DHX36: variants seen among roughly 807,000 people sequenced by gnomAD.
The protein encoded by DHX36 is ATP-dependent DNA/RNA helicase DHX36.
In DHX36, 50 loss-of-function variants were observed where a neutral mutation model predicts 139.0. That is an observed-to-expected ratio of 0.36 (90% CI 0.29 to 0.46). DHX36 has a LOEUF of 0.46. DHX36 is among the 20% of genes least tolerant of loss of function. The pLI, the probability that DHX36 is intolerant of heterozygous loss-of-function variation, is 1.00. For synonymous variants in DHX36, 425 were observed against 401.9 expected, an observed-to-expected ratio of 1.06 and a Z score of -0.69; for missense variants, 1,024 against 1,211.3, an observed-to-expected ratio of 0.85 and a Z score of 2.29.
chr3:154,324,468 C>T lies in DHX36; in HGVS notation c.-52G>A, dbSNP rs1216240032. 5 of 1,439,684 alleles carry T rather than the reference C, an allele frequency of 3.5e-6. No individual in the cohort carries two copies. The highest frequency in any genetic ancestry group is 4.5e-6 in the Non-Finnish European group (5 of 1,100,386). The allele number at this position is 1,439,684 out of a possible 1,614,324, so 89.2% of individuals were successfully genotyped here. ...AACCAGCAACCGCTGGAAATGGCGT[C>T]CGGGCCCGGAAGCCACTGTGCGCCC... On this transcript the variant is annotated 5_prime_UTR_variant, in exon 1 of 25. Coordinates refer to ENST00000496811, the MANE Select transcript of DHX36 (RefSeq NM_020865.3).
At chr3:154,295,244 A>G (rs1711994216) in intron 13 of DHX36, 40 bp downstream of exon 13, 3 of 1,283,308 alleles carry the variant, frequency 2.3e-6, no homozygotes, top group African/African-American at 1.5e-5. Flanking sequence ...AGCTTGCCTC[A>G]GTTTGAAATA....
At chr3:154,316,265 C>A (rs1377720961) in intron 1 of DHX36, 102 bp from the exon 2 acceptor site, 2 of 1,427,596 alleles carry the variant, frequency 1.4e-6, no homozygotes, top group Admixed American at 2.1e-5. Context: ...ATATGTTCAA[C>A]AAATACATAT....
At chr3:154,311,543 CATTA>C in intron 4 of DHX36, 89 bp downstream of exon 4, 1 of 1,013,378 alleles carries the variant, frequency 9.9e-7, no homozygotes, top group Non-Finnish European at 1.4e-6. Context: ...AAAGAAAGTT[CATTA>C]ATTTACATTT....
intron 5 of DHX36, among the ~76,000 whole-genome samples, chr3:154,309,219 A>G (rs1016239143): frequency 6.6e-6 from 1 of 151,920 alleles, no homozygotes; most frequent in African/African-American, 2.4e-5. Flanking sequence ...CTGACTACAG[A>G]AATGCAGCTT....
At chr3:154,287,706 A>C (rs1010092803) in intron 17 of DHX36, among the ~76,000 whole-genome samples, 3 of 152,202 alleles carry the variant, frequency 2.0e-5, no homozygotes, top group Admixed American at 1.3e-4. Flanking sequence ...TCAAGGTATT[A>C]AAAAAAGGAA....
At chr3:154,322,613 G>C (rs1031873918) in intron 1 of DHX36, among the ~76,000 whole-genome samples, 3 of 152,214 alleles carry the variant, frequency 2.0e-5, no homozygotes, top group African/African-American at 7.2e-5. Flanking sequence ...AGGAGGATGG[G>C]AACGCAAGTA....
Position 154,284,900 on chromosome 3 carries a change from G to C in DHX36, c.2119C>G (p.Leu707Val). 1 of 1,614,072 alleles carries C rather than the reference G, an allele frequency of 6.2e-7. No individual in the cohort carries two copies. Among genetic ancestry groups the C allele is most frequent in the Non-Finnish European group, 8.5e-7 (1 of 1,179,986 alleles). Residue 707 changes from leucine to valine, a missense_variant, in exon 18 of 25, where the codon CTT becomes GTT. Physicochemically the swap from Leu to Val is conservative, Grantham distance 32. Transcript: ENST00000496811. Reference sequence around the variant, plus strand: ...AAGCAGCAGAACAGTGCTCCAAAAAGAATCATTTTTCCAATATGTGGCTCA... The same window carrying C: ...AAGCAGCAGAACAGTGCTCCAAAAACAATCATTTTTCCAATATGTGGCTCA... ...PVEPHIGKMI[L>V]FGALFCCLDP...
intron 5 of DHX36, among the ~76,000 whole-genome samples, chr3:154,307,343 G>A (rs1272531585): frequency 6.6e-6 from 1 of 152,032 alleles, no homozygotes. Flanking sequence ...TTTCCAGAAC[G>A]GAAGAAAATA....
chr3:154,309,849 T>A (rs374625991), intron 4 of DHX36, 26 bp from the exon 5 acceptor site: 1 of 1,509,410 alleles, frequency 6.6e-7, no homozygotes, highest in Admixed American at 2.0e-5. Flanking sequence ...AAATAAAGAA[T>A]ATCACATGTT....
Position 154,305,060 on chromosome 3 carries a change from A to T in DHX36, c.968+34T>A, listed in dbSNP as rs758733151. 70 of 1,595,494 alleles carry T rather than the reference A, an allele frequency of 4.4e-5. 1 individual carries two copies. In the South Asian group the frequency reaches 8.0e-4, roughly 18 times the overall value. On this transcript the variant is annotated intron_variant, in intron 7 of 24. Coordinates refer to ENST00000496811, the MANE Select transcript of DHX36 (RefSeq NM_020865.3). ...CAATTTAATAATTACATCTTTTGATAACACTTATATTTCCTTAATTGAAAC... is the reference window on the plus strand; with the variant it reads ...CAATTTAATAATTACATCTTTTGATTACACTTATATTTCCTTAATTGAAAC...
At chr3:154,309,532 T>A (rs889910411) in intron 5 of DHX36, 121 bp downstream of exon 5, 1 of 768,800 alleles carries the variant, frequency 1.3e-6, no homozygotes, top group South Asian at 4.1e-5. Context: ...AAGCAACTAT[T>A]TGCTTTCATA....
At position 154,316,080 on chromosome 3, in the gene DHX36, C is replaced by T. The variant is rs1365025124; in HGVS notation, c.327G>A (p.Glu109=). Residue 109 remains glutamate (E), a synonymous_variant, in exon 2 of 25, where the codon GAG becomes GAA. Transcript: ENST00000496811. ...CAAACCAGGATATCTGTGCTTCTGA[C>T]TCTTTATCATTCTTCGCTTGAACAG... is the stretch of plus-strand genomic sequence containing the variant. The part of the protein sequence containing the change: ...LNSVQAKNDK[E]SEAQISWFAP... The T allele has an allele frequency of 5.0e-6, 8 of 1,613,172 alleles. No homozygotes were observed. The highest frequency in any genetic ancestry group is 6.8e-6 in the Non-Finnish European group (8 of 1,179,530).
At position 154,277,485 on chromosome 3, in the gene DHX36, G is replaced by A. The variant is rs1263709610; in HGVS notation, c.2688+113C>T. On this transcript the variant is annotated intron_variant, in intron 23 of 24. Coordinates refer to ENST00000496811, the MANE Select transcript of DHX36 (RefSeq NM_020865.3). ...GAGGGAAAAAGTTACTCACGTCACA[G>A]GAATAAGACACAACAAAAAAAAAAT... 4.0e-6 allele frequency: 4 copies of A among 1,001,888 alleles called. No individual in the cohort carries two copies. The Admixed American group carries it at 1.4e-4, about 34-fold the overall frequency. 62.1% of individuals were successfully genotyped at this position (1,001,888 alleles called of 1,614,324 possible).
chr3:154,316,484 T>C (rs998651671), intron 1 of DHX36, among the ~76,000 whole-genome samples: 8 of 152,120 alleles, frequency 5.3e-5, no homozygotes, highest in African/African-American at 1.9e-4. Context: ...CTAATTATTA[T>C]GAATTTCTCC....
intron 5 of DHX36, among the ~76,000 whole-genome samples, chr3:154,307,618 G>C (rs1712553534): frequency 6.6e-6 from 1 of 151,982 alleles, no homozygotes; most frequent in Non-Finnish European, 1.5e-5. Context: ...AAAAATAATA[G>C]ATCTTGGCCA....
At chr3:154,277,024 A>AT (rs1719170282) in intron 23 of DHX36, 125 bp from the exon 24 acceptor site, 1 of 783,650 alleles carries the variant, frequency 1.3e-6, no homozygotes. Flanking sequence ...CTTCTATTGT[A>AT]ATTACAGAGA....
chr3:154,318,872 C>A (rs1201716480), intron 1 of DHX36, among the ~76,000 whole-genome samples: 1 of 152,110 alleles, frequency 6.6e-6, no homozygotes, highest in Non-Finnish European at 1.5e-5. Context: ...ATACTTCTTG[C>A]AGTGTCTCTG....
intron 1 of DHX36, among the ~76,000 whole-genome samples, chr3:154,322,255 C>T (rs968511162): frequency 4.6e-5 from 7 of 152,184 alleles, no homozygotes; most frequent in African/African-American, 1.7e-4. Context: ...TTCCAGAGAA[C>T]ATGTCAAGAT....
At chr3:154,310,800 A>AT (rs2108360475) in intron 4 of DHX36, among the ~76,000 whole-genome samples, 1 of 45,406 alleles carries the variant, frequency 2.2e-5, no homozygotes, top group African/African-American at 9.4e-5. Flanking sequence ...AAAAAAAAAA[A>AT]AAAAAAATAT....
Sources: allele counts gnomAD v4.1 joint callset (sites outside exome capture counted in the v4.1 genomes callset), GRCh38; gene constraint gnomAD v4.1.1; transcripts MANE v1.5; gene names NCBI Gene and HGNC (gene_info 2026-07-23, HGNC 2026-07-21).